The following CLSTN1 variants were observed in gnomAD, a reference collection of about 807,000 sequenced individuals.
CLSTN1 encodes calsyntenin-1.
In CLSTN1, 28 loss-of-function variants were observed where a neutral mutation model predicts 108.3. The observed-to-expected ratio is 0.26, with a 90% CI of 0.19 to 0.35. The LOEUF (loss-of-function observed/expected upper bound fraction) is 0.35, where lower values mean the gene tolerates loss of function less well. CLSTN1 is among the 10% of genes least tolerant of loss of function. The pLI is 1.00. For missense variants in CLSTN1, 1,157 were observed against 1,302.6 expected (o/e 0.89, Z 1.72); for synonymous variants, 524 against 534.9 (o/e 0.98, Z 0.28).
Position 9,734,242 on chromosome 1 carries a change from G to A in CLSTN1, c.2111-100C>T. The A allele has an allele frequency of 1.7e-6, 2 of 1,208,308 alleles. No homozygotes were observed. Among genetic ancestry groups the A allele is most frequent in the Non-Finnish European group, 2.4e-6 (2 of 845,432 alleles). The allele number at this position is 1,208,308 out of a possible 1,614,324, so 74.8% of individuals were successfully genotyped here. On this transcript the variant is annotated intron_variant, in intron 14 of 18. Transcript: ENST00000377298. This position sits in a 1 kb window ranked among gnomAD's most constrained non-coding sequence, Gnocchi z 4.8. Reference sequence around the variant, plus strand: ...TGCCGGCTCACCCCAAACCTACATGGCTCTCGTAAGGACCAACGACAGAAG... The same window carrying A: ...TGCCGGCTCACCCCAAACCTACATGACTCTCGTAAGGACCAACGACAGAAG...
At chr1:9,821,185 T>G (rs1324877977) in intron 1 of CLSTN1, among the ~76,000 whole-genome samples, 2 of 152,212 alleles carry the variant, frequency 1.3e-5, no homozygotes, top group Non-Finnish European at 2.9e-5. Context: ...CAGGCTGGAG[T>G]GCAGTGGCGC....
At chr1:9,774,834 C>G (rs1243511415) in intron 1 of CLSTN1, among the ~76,000 whole-genome samples, 1 of 152,052 alleles carries the variant, frequency 6.6e-6, no homozygotes, top group East Asian at 1.9e-4. Flanking sequence ...TGCTGGTCGG[C>G]TATTTTTATG....
intron 2 of CLSTN1, among the ~76,000 whole-genome samples, chr1:9,758,005 G>A (rs921841696): frequency 7.0e-6 from 1 of 143,880 alleles, no homozygotes; most frequent in Admixed American, 6.8e-5. Flanking sequence ...TGTTTGTTTT[G>A]GGGGGGGGTG....
chr1:9,803,109 C>G (rs954352453), intron 1 of CLSTN1, among the ~76,000 whole-genome samples: 1 of 152,152 alleles, frequency 6.6e-6, no homozygotes, highest in African/African-American at 2.4e-5. Context: ...AGGCATAAGC[C>G]ACCACGCCCA....
chr1:9,737,614 G>A (rs371142908), intron 10 of CLSTN1, 60 bp from the exon 11 acceptor site: 252 of 1,498,220 alleles, frequency 1.7e-4, no homozygotes, highest in Non-Finnish European at 2.1e-4. Context: ...TCTTCAAACC[G>A]GACCTTGAAA....
chr1:9,817,487 C>T (rs1009339151), intron 1 of CLSTN1, among the ~76,000 whole-genome samples: 1 of 151,998 alleles, frequency 6.6e-6, no homozygotes, highest in African/African-American at 2.4e-5. Context: ...GCCACCACAC[C>T]CGGCTAATTT....
intron 1 of CLSTN1, among the ~76,000 whole-genome samples, chr1:9,803,298 A>G (rs1654364808): frequency 1.3e-5 from 2 of 152,190 alleles, no homozygotes; most frequent in Admixed American, 6.6e-5. Context: ...GGCAAAAACC[A>G]GATCATTGGT....
Position 9,731,885 on chromosome 1 carries a change from G to A in CLSTN1, c.2439C>T (p.Ile813=), listed in dbSNP as rs747164558. Residue 813 remains isoleucine, a synonymous_variant, in exon 17 of 19, where the codon ATC becomes ATT. Coordinates refer to ENST00000377298, the MANE Select transcript of CLSTN1 (RefSeq NM_001009566.3). ...SNEFKVEVNV[I]HTANPMEHAN... is the part of the protein sequence containing the mutation. ...CGTGTTCCATGGGGTTGGCCGTGTG[G>A]ATTACATTCACCTATAGCAGAGAAA... The A allele has an allele frequency of 6.2e-7, 1 of 1,614,148 alleles. No homozygotes were observed. Among genetic ancestry groups the A allele is most frequent in the Non-Finnish European group, 8.5e-7 (1 of 1,180,034 alleles).
chr1:9,755,326 G>T lies in CLSTN1; in HGVS notation c.245-17C>A. 1 of 1,592,018 alleles carries T rather than the reference G, an allele frequency of 6.3e-7. No homozygotes were observed. The highest frequency in any genetic ancestry group is 8.6e-7 in the Non-Finnish European group (1 of 1,163,562). ...AAATCTCACCTAGGGAGTCAAAGCA[G>T]AACAGGTAAGAATTCCTACCACATA... On this transcript the variant is annotated splice_polypyrimidine_tract_variant and intron_variant, in intron 3 of 18. Coordinates refer to ENST00000377298, the MANE Select transcript of CLSTN1 (RefSeq NM_001009566.3).
At chr1:9,788,201 C>T (rs950942212) in intron 1 of CLSTN1, among the ~76,000 whole-genome samples, 8 of 151,404 alleles carry the variant, frequency 5.3e-5, no homozygotes, top group African/African-American at 1.9e-4. Context: ...GGCTGCAGTA[C>T]GCCAAGATGG....
At chr1:9,759,793 G>A (rs1401173883) in intron 2 of CLSTN1, among the ~76,000 whole-genome samples, 1 of 152,170 alleles carries the variant, frequency 6.6e-6, no homozygotes, top group Non-Finnish European at 1.5e-5. Context: ...AGACACCCAC[G>A]AGTAAAACTG....
At chr1:9,733,944 A>G in intron 15 of CLSTN1, 28 bp downstream of exon 15, 1 of 1,588,426 alleles carries the variant, frequency 6.3e-7, no homozygotes, top group Non-Finnish European at 8.6e-7. Flanking sequence ...AGCCTGGCCC[A>G]CCTGCGTGGC....
At chr1:9,807,085 G>T (rs1383442285) in intron 1 of CLSTN1, among the ~76,000 whole-genome samples, 1 of 151,998 alleles carries the variant, frequency 6.6e-6, no homozygotes, top group Admixed American at 6.6e-5. Flanking sequence ...GGCAGAAAGA[G>T]TCCCAGGTCA....
chr1:9,736,921 A>G (rs1650721352), intron 11 of CLSTN1, among the ~76,000 whole-genome samples: 1 of 152,058 alleles, frequency 6.6e-6, no homozygotes, highest in Non-Finnish European at 1.5e-5. Flanking sequence ...AAAAATATAA[A>G]TATTAGCTGG....
At chr1:9,746,975 T>C (rs1348534918) in intron 7 of CLSTN1, among the ~76,000 whole-genome samples, 1 of 150,454 alleles carries the variant, frequency 6.6e-6, no homozygotes, top group African/African-American at 2.4e-5. Context: ...AGGTCAGGAG[T>C]TGGAGACGAG....
intron 2 of CLSTN1, among the ~76,000 whole-genome samples, chr1:9,762,040 C>G (rs1418551934): frequency 6.6e-6 from 1 of 152,180 alleles, no homozygotes; most frequent in Non-Finnish European, 1.5e-5. Context: ...TTCTTAGCAT[C>G]GCTGTCGCTC....
chr1:9,822,509 T>C (rs1020833588), intron 1 of CLSTN1, among the ~76,000 whole-genome samples: 1 of 152,096 alleles, frequency 6.6e-6, no homozygotes, highest in Non-Finnish European at 1.5e-5. Context: ...CATCTAGATT[T>C]CTATCAATCC....
intron 1 of CLSTN1, among the ~76,000 whole-genome samples, chr1:9,805,448 A>G (rs549433191): frequency 6.6e-6 from 1 of 152,236 alleles, no homozygotes; most frequent in Non-Finnish European, 1.5e-5. Context: ...AACAGATAAC[A>G]GACAATGCAG....
intron 7 of CLSTN1, among the ~76,000 whole-genome samples, chr1:9,748,419 T>C (rs915383906): frequency 7.9e-5 from 12 of 152,262 alleles, no homozygotes; most frequent in African/African-American, 2.9e-4. Context: ...GATTCTAAGT[T>C]AGATGTGGCT....
Sources: allele counts gnomAD v4.1 joint callset (sites outside exome capture counted in the v4.1 genomes callset), GRCh38; gene constraint gnomAD v4.1.1; non-coding constraint Gnocchi (gnomAD v3.1); transcripts MANE v1.5; gene names NCBI Gene and HGNC (gene_info 2026-07-23, HGNC 2026-07-21).